Variants in BANK1 observed in about 807,000 individuals in gnomAD.
BANK1 encodes the protein B-cell scaffold protein with ankyrin repeats.
BANK1 carries 95 observed loss-of-function variants against 94.5 expected under a neutral mutation model. The ratio of observed to expected loss-of-function variants is 1.00; its 90% CI spans 0.85 to 1.19. The LOEUF (loss-of-function observed/expected upper bound fraction) is 1.19, where lower values mean the gene tolerates loss of function less well. Among genes scored for constraint, BANK1 ranks in the 50% most tolerant of loss-of-function variants. BANK1 has a pLI of 0.00. For missense variants in BANK1, 987 were observed against 932.2 expected, an observed-to-expected ratio of 1.06 and a Z score of -0.77; for synonymous variants, 334 against 308.4, an observed-to-expected ratio of 1.08 and a Z score of -0.87.
Position 102,060,311 on chromosome 4 carries a change from G to A in BANK1, c.2070G>A (p.Gly690=). 1 of 1,610,608 alleles carries A rather than the reference G, an allele frequency of 6.2e-7. No homozygotes were observed. The highest frequency in any genetic ancestry group is 1.3e-5 in the African/African-American group (1 of 74,678). Residue 690 remains glycine (G), a synonymous_variant, in exon 12 of 17, where the codon GGG becomes GGA. Transcript: ENST00000322953. ...TCCTGCAGGAGAAAGTAAAGAATGG[G>A]AAAATGTCTATGGATGAAGCTCTGG... The part of the protein sequence containing the change: ...LILLQEKVKN[G]KMSMDEALEK...
chr4:101,846,238 T>C (rs1312414966), intron 2 of BANK1, among the ~76,000 whole-genome samples: 1 of 152,210 alleles, frequency 6.6e-6, no homozygotes, highest in East Asian at 1.9e-4. Flanking sequence ...TGGAATACTA[T>C]GCAGCCATAC....
rs1553934938 is a variant in BANK1 at position 101,947,309 on chromosome 4, A to ATG, written c.1206+29121_1206+29122insGT. On this transcript the variant is annotated intron_variant, in intron 7 of 16. Coordinates refer to ENST00000322953, the MANE Select transcript of BANK1 (RefSeq NM_017935.5). Reference sequence around the variant, plus strand: ...AATATATATATATATATATATATATATATGTATATGTATTATGTATTATAT... The same window carrying ATG: ...AATATATATATATATATATATATATATGTATGTATATGTATTATGTATTATAT... 1.7e-3 allele frequency among the ~76,000 whole-genome samples: 113 copies of ATG among 67,894 alleles called. 12 individuals carry two copies. The East Asian group carries it at 0.018, about 11-fold the overall frequency. 44.5% of individuals were successfully genotyped at this position (67,894 alleles called of 152,430 possible). A position where few individuals can be genotyped will look rare whatever the true frequency, so the allele number is the denominator to read the frequency against.
chr4:101,831,188 T>G (rs893461542), intron 2 of BANK1, among the ~76,000 whole-genome samples: 1 of 152,130 alleles, frequency 6.6e-6, no homozygotes, highest in Admixed American at 6.5e-5. Flanking sequence ...TCATTTATCT[T>G]TTTCCGGACA....
Position 102,043,775 on chromosome 4 carries a change from T to A in BANK1, c.1901-64T>A. Reference sequence around the variant, plus strand: ...TATTGCATTCTGGCTTCCTGGAGACTTCTACAGTATGGATTTTTTGAACGT... The same window carrying A: ...TATTGCATTCTGGCTTCCTGGAGACATCTACAGTATGGATTTTTTGAACGT... On this transcript the variant is annotated intron_variant, in intron 10 of 16. Transcript: ENST00000322953. 2.8e-6 allele frequency: 3 copies of A among 1,072,862 alleles called. No individual in the cohort carries two copies. The South Asian group carries it at 4.9e-5, about 17-fold the overall frequency. The allele number at this position is 1,072,862 out of a possible 1,614,324, so 66.5% of individuals were successfully genotyped here.
chr4:102,029,966 T>G lies in BANK1; in HGVS notation c.1601T>G (p.Met534Arg). The G allele has an allele frequency of 6.2e-7, 1 of 1,601,788 alleles. No homozygotes were observed. Among genetic ancestry groups the G allele is most frequent in the Non-Finnish European group, 8.5e-7 (1 of 1,176,422 alleles). The change falls in exon 10 of 17, where the codon ATG becomes AGG. Residue 534 changes from methionine (M) to arginine (R), a missense_variant. Physicochemically the swap from Met to Arg is moderately conservative, Grantham distance 91. Coordinates refer to ENST00000322953, the MANE Select transcript of BANK1 (RefSeq NM_017935.5). ...ERPHFTLPGT[M>R]VEGQMERSQN... ...GTAAATATTTCATAAACAGGGACAA[T>G]GGTGGAAGGCCAAATGGAAAGAAGT...
chr4:101,934,723 T>C (rs1723470519), intron 7 of BANK1, among the ~76,000 whole-genome samples: 1 of 151,558 alleles, frequency 6.6e-6, no homozygotes, highest in Non-Finnish European at 1.5e-5. Flanking sequence ...CATAAATAAA[T>C]GGACAATTCC....
intron 6 of BANK1, among the ~76,000 whole-genome samples, chr4:101,904,779 C>T (rs906923440): frequency 1.3e-5 from 2 of 152,164 alleles, no homozygotes; most frequent in African/African-American, 2.4e-5. Flanking sequence ...AGGCCCTTCA[C>T]AATGCAAAAT....
chr4:101,872,093 C>T (rs1728310379), intron 5 of BANK1, among the ~76,000 whole-genome samples: 1 of 151,972 alleles, frequency 6.6e-6, no homozygotes, highest in Admixed American at 6.6e-5. Context: ...TTCTCTACCA[C>T]CAAGCTCTGG....
intron 3 of BANK1, among the ~76,000 whole-genome samples, chr4:101,856,067 A>G (rs1283037433): frequency 6.6e-6 from 1 of 152,264 alleles, no homozygotes; most frequent in South Asian, 2.1e-4. Context: ...TGCCTGAAGG[A>G]GTCTTTCTGA....
At chr4:101,935,945 T>C (rs1016187619) in intron 7 of BANK1, among the ~76,000 whole-genome samples, 1 of 151,394 alleles carries the variant, frequency 6.6e-6, no homozygotes. Flanking sequence ...ATCTAACACG[T>C]CAAGCTATGA....
rs574017265 is a variant in BANK1 at position 101,967,088 on chromosome 4, G to T, written c.1206+48899G>T. On this transcript the variant is annotated intron_variant, in intron 7 of 16. Coordinates refer to ENST00000322953, the MANE Select transcript of BANK1 (RefSeq NM_017935.5). ...ACTTACTGTATTCAAGGTAATACGC[G>T]TACTGCTTTTAGGAGAAATAAATGA... Among the ~76,000 whole-genome samples, 22 of 152,162 alleles carry T rather than the reference G, an allele frequency of 1.4e-4. No homozygotes were observed. In the South Asian group the frequency reaches 3.5e-3, roughly 24 times the overall value.
At chr4:102,051,678 C>T (rs1560709705) in intron 11 of BANK1, among the ~76,000 whole-genome samples, 1 of 152,178 alleles carries the variant, frequency 6.6e-6, no homozygotes, top group Non-Finnish European at 1.5e-5. Flanking sequence ...TCCCTTACCT[C>T]CTGACCCCAG....
chr4:101,855,474 A>G (rs993697186), intron 3 of BANK1, among the ~76,000 whole-genome samples: 1 of 152,188 alleles, frequency 6.6e-6, no homozygotes, highest in Non-Finnish European at 1.5e-5. Context: ...CTATCCTCTG[A>G]ACCTAGGCAA....
chr4:102,057,263 T>TCTCTCTCTCTCCTG, intron 11 of BANK1, among the ~76,000 whole-genome samples: 1 of 151,718 alleles, frequency 6.6e-6, no homozygotes. Flanking sequence ...TTTCTCTTTC[T>TCTCTCTCTCTCCTG]CTCTCTCTCT....
intron 6 of BANK1, among the ~76,000 whole-genome samples, chr4:101,904,776 T>A (rs1269471501): frequency 1.3e-5 from 2 of 152,190 alleles, no homozygotes; most frequent in Non-Finnish European, 2.9e-5. Context: ...ATCAGGCCCT[T>A]CACAATGCAA....
chr4:101,837,916 T>C (rs1726892271), intron 2 of BANK1, among the ~76,000 whole-genome samples: 2 of 135,682 alleles, frequency 1.5e-5, no homozygotes, highest in African/African-American at 5.5e-5. Flanking sequence ...CCCTTCTCTC[T>C]CCCCCTTTCC....
intron 7 of BANK1, among the ~76,000 whole-genome samples, chr4:101,934,073 T>C (rs1221702576): frequency 6.6e-6 from 1 of 151,288 alleles, no homozygotes; most frequent in African/African-American, 2.4e-5. Context: ...CTTCACAGGG[T>C]ATGAAGACAA....
intron 7 of BANK1, among the ~76,000 whole-genome samples, chr4:101,922,265 A>G (rs1024675861): frequency 3.3e-5 from 5 of 151,300 alleles, no homozygotes; most frequent in Admixed American, 2.6e-4. Context: ...GTAAACATTC[A>G]CTCTTCCTGG....
chr4:101,903,433 A>G (rs562037220), intron 6 of BANK1, among the ~76,000 whole-genome samples: 48 of 152,328 alleles, frequency 3.2e-4, no homozygotes, highest in African/African-American at 1.2e-3. Flanking sequence ...TTTGATGTAA[A>G]TAAGGAGTTA....
Sources: allele counts gnomAD v4.1 joint callset (sites outside exome capture counted in the v4.1 genomes callset), GRCh38; gene constraint gnomAD v4.1.1; transcripts MANE v1.5; gene names NCBI Gene and HGNC (gene_info 2026-07-23, HGNC 2026-07-21).